The following TEC variants were observed in gnomAD, a reference collection of about 807,000 sequenced individuals.
TEC encodes tyrosine-protein kinase Tec.
In TEC, 72 loss-of-function variants were observed where a neutral mutation model predicts 93.0. That is an observed-to-expected ratio of 0.77 (90% CI 0.64 to 0.94). The LOEUF (loss-of-function observed/expected upper bound fraction) is 0.94. Ranked by LOEUF, TEC falls within the 40% of genes least tolerant of loss-of-function variation. The probability of loss-of-function intolerance (pLI) is 0.00; values close to 1 mark genes in which losing one functional copy is unlikely to be tolerated. For synonymous variants in TEC, 249 were observed against 247.7 expected (o/e 1.01, Z -0.05); for missense variants, 630 against 757.9 (o/e 0.83, Z 1.98).
In TEC at chr4:48,138,964, A is replaced by G; in HGVS notation, c.1594T>C (p.Cys532Arg). 1 of 1,614,238 alleles carries G rather than the reference A, an allele frequency of 6.2e-7. No homozygotes were observed. Among genetic ancestry groups the G allele is most frequent in the Non-Finnish European group, 8.5e-7 (1 of 1,180,032 alleles). Residue 532 changes from cysteine to arginine, a missense_variant, in exon 16 of 18, where the codon TGT becomes CGT. Physicochemically the swap from Cys to Arg is radical, Grantham distance 180 (BLOSUM62 -3). Transcript: ENST00000381501. Reference sequence around the variant, plus strand: ...CTGTAATTAAACACTTCAGGTGGACACCACTTCACAGGAAACTTAGCACCA... The same window carrying G: ...CTGTAATTAAACACTTCAGGTGGACGCCACTTCACAGGAAACTTAGCACCA... ...SSGAKFPVKW[C>R]PPEVFNYSRF...
intron 2 of TEC, among the ~76,000 whole-genome samples, chr4:48,179,378 T>TATATA (rs1721493699): frequency 1.5e-5 from 1 of 64,694 alleles, no homozygotes; most frequent in African/African-American, 7.2e-5. Context: ...ATATATATAT[T>TATATA]TTTTTTTTTT....
chr4:48,142,283 C>A lies in TEC; in HGVS notation c.1471-864G>T, dbSNP rs150273537. ...GTCAGGAGTTCGGGACCAGCCTGGC[C>A]AACATGACAAAACCCCTTCTCTACT... On this transcript the variant is annotated intron_variant, in intron 14 of 17. Coordinates refer to ENST00000381501, the MANE Select transcript of TEC (RefSeq NM_003215.3). 7.7e-3 allele frequency among the ~76,000 whole-genome samples: 1,173 copies of A among 152,228 alleles called. 11 individuals are homozygous for A. Among genetic ancestry groups the A allele is most frequent in the South Asian group, 0.026 (126 of 4,816 alleles).
intron 1 of TEC, among the ~76,000 whole-genome samples, chr4:48,252,902 G>C (rs529904842): frequency 6.6e-6 from 1 of 152,200 alleles, no homozygotes; most frequent in Non-Finnish European, 1.5e-5. Flanking sequence ...CTGCATGCTT[G>C]TTGAATGAAT....
chr4:48,156,012 A>G (rs1720384862), intron 9 of TEC: 1 of 152,238 alleles, frequency 6.6e-6, no homozygotes, highest in African/African-American at 2.4e-5. Flanking sequence ...GCTATTTGTG[A>G]GTATTCTTAT....
At chr4:48,249,712 T>C (rs1699480374) in intron 1 of TEC, among the ~76,000 whole-genome samples, 2 of 152,236 alleles carry the variant, frequency 1.3e-5, no homozygotes, top group African/African-American at 4.8e-5. Context: ...TGAGCTGAAA[T>C]GTCTCAGATT....
chr4:48,269,149 G>T (rs1724716239), intron 1 of TEC, among the ~76,000 whole-genome samples: 1 of 152,176 alleles, frequency 6.6e-6, no homozygotes, highest in Admixed American at 6.5e-5. Context: ...TTCACTGGGT[G>T]AGTCACGTGC....
chr4:48,181,108 A>G (rs987915926), intron 2 of TEC, among the ~76,000 whole-genome samples: 1 of 151,796 alleles, frequency 6.6e-6, no homozygotes, highest in African/African-American at 2.4e-5. Flanking sequence ...CATGAGAAGG[A>G]ACACAGAAGG....
chr4:48,146,785 G>T lies in TEC; in HGVS notation c.1007-386C>A, dbSNP rs543029474. ...TCTTAGCATACAAATCGGGCTCTAG[G>T]ATAGCAACAACTGGGAATACCAACT... On this transcript the variant is annotated intron_variant, in intron 11 of 17. Transcript: ENST00000381501. 1.8e-4 allele frequency among the ~76,000 whole-genome samples: 27 copies of T among 152,236 alleles called. 1 individual carries two copies. The South Asian group carries it at 5.4e-3, about 30-fold the overall frequency.
At chr4:48,260,436 A>G (rs1260994338) in intron 1 of TEC, among the ~76,000 whole-genome samples, 2 of 152,130 alleles carry the variant, frequency 1.3e-5, no homozygotes, top group Non-Finnish European at 2.9e-5. Context: ...TTTCGTTTCA[A>G]TGAGCTGGAT....
chr4:48,158,766 C>G (rs1477509110), intron 8 of TEC, among the ~76,000 whole-genome samples: 1 of 152,126 alleles, frequency 6.6e-6, no homozygotes, highest in Non-Finnish European at 1.5e-5. Context: ...GAGGTCCCTT[C>G]CTCATCTACT....
chr4:48,190,984 T>C (rs1234616052), intron 2 of TEC, among the ~76,000 whole-genome samples: 1 of 152,206 alleles, frequency 6.6e-6, no homozygotes, highest in Non-Finnish European at 1.5e-5. Context: ...TTTTCAGTAT[T>C]GTCTCAATGT....
At chr4:48,163,181 T>C (rs1009716080) in intron 8 of TEC, among the ~76,000 whole-genome samples, 1 of 152,182 alleles carries the variant, frequency 6.6e-6, no homozygotes, top group Non-Finnish European at 1.5e-5. Context: ...AAATATTTAA[T>C]AAATTTATGA....
At chr4:48,248,866 CTT>C (rs34690737) in intron 1 of TEC, among the ~76,000 whole-genome samples, 161 of 136,798 alleles carry the variant, frequency 1.2e-3, no homozygotes, top group Middle Eastern at 3.8e-3. Context: ...TCTCCTCTTT[CTT>C]TTTTTTTTTT....
chr4:48,265,514 TA>T (rs1466827575), intron 1 of TEC, among the ~76,000 whole-genome samples: 1,183 of 85,914 alleles, frequency 0.014, 10 homozygotes, highest in Middle Eastern at 0.064. Flanking sequence ...TATATATATA[TA>T]TTTTTTTTTT....
intron 1 of TEC, among the ~76,000 whole-genome samples, chr4:48,234,352 T>C (rs1404562152): frequency 2.6e-5 from 4 of 152,126 alleles, no homozygotes; most frequent in Non-Finnish European, 5.9e-5. Flanking sequence ...ACCACAAGAA[T>C]TTAGGAAACA....
chr4:48,181,696 A>C (rs951748367), intron 2 of TEC, among the ~76,000 whole-genome samples: 2 of 109,932 alleles, frequency 1.8e-5, no homozygotes, highest in African/African-American at 6.4e-5. Flanking sequence ...AAGAAAAAAG[A>C]AAAAGAAAAG....
chr4:48,227,681 A>G (rs1025991370), intron 2 of TEC, among the ~76,000 whole-genome samples: 3 of 151,396 alleles, frequency 2.0e-5, no homozygotes, highest in Non-Finnish European at 2.9e-5. Flanking sequence ...GATCACCAAC[A>G]GTCCACTGAA....
chr4:48,212,650 A>G (rs1577642628), intron 2 of TEC, among the ~76,000 whole-genome samples: 1 of 152,322 alleles, frequency 6.6e-6, no homozygotes, highest in East Asian at 1.9e-4. Flanking sequence ...ACAGGAGGAA[A>G]CCTTGAAATC....
intron 1 of TEC, among the ~76,000 whole-genome samples, chr4:48,262,009 T>C (rs1026870816): frequency 2.3e-4 from 35 of 152,100 alleles, no homozygotes; most frequent in African/African-American, 8.0e-4. Context: ...GATAATAATG[T>C]ATGTTGTCCT....
Sources: allele counts gnomAD v4.1 joint callset (sites outside exome capture counted in the v4.1 genomes callset), GRCh38; gene constraint gnomAD v4.1.1; transcripts MANE v1.5; gene names NCBI Gene and HGNC (gene_info 2026-07-23, HGNC 2026-07-21).